PDE1C: variants seen among roughly 807,000 people sequenced by gnomAD.
PDE1C encodes phosphodiesterase 1C.
A neutral mutation model predicts 93.1 loss-of-function variants in PDE1C; 62 were observed. The ratio of observed to expected loss-of-function variants is 0.67; its 90% CI spans 0.54 to 0.82. PDE1C has a LOEUF of 0.82. Among genes scored for constraint, PDE1C ranks in the 40% least tolerant of loss-of-function variants. The probability of loss-of-function intolerance (pLI) is 0.00; values close to 1 mark genes in which losing one functional copy is unlikely to be tolerated. For missense variants in PDE1C, 742 were observed against 884.6 expected, an observed-to-expected ratio of 0.84 and a Z score of 2.04; for synonymous variants, 325 against 310.1, an observed-to-expected ratio of 1.05 and a Z score of -0.50.
rs912650979 is a variant in PDE1C, at chr7:32,161,387, G to T, written c.308+8398C>A. Among the ~76,000 whole-genome samples, 62 of 152,106 alleles carry T rather than the reference G, an allele frequency of 4.1e-4. 2 individuals are homozygous for T. Among genetic ancestry groups the T allele is most frequent in the East Asian group, 1.9e-4 (1 of 5,190 alleles). On this transcript the variant is annotated intron_variant, in intron 3 of 18. Transcript: ENST00000396193. ...CACTGCCAATCTCCTCTACTCTACT[G>T]CTCCCACCCTCATAGCTTATTGGTG...
chr7:32,350,569 TATATATATATATATATA>T (rs1453985697), intron 1 of PDE1C, among the ~76,000 whole-genome samples: 143 of 2,688 alleles, frequency 0.053, 23 homozygotes, highest in East Asian at 0.065. Context: ...TATATATATA[TATATATATATATATATA>T]TATATTTTTT....
At chr7:32,317,003 A>G (rs1046085997) in intron 1 of PDE1C, among the ~76,000 whole-genome samples, 5 of 152,128 alleles carry the variant, frequency 3.3e-5, no homozygotes, top group African/African-American at 1.2e-4. Flanking sequence ...CCTCCTCCAA[A>G]GCACAGGGCA....
At chr7:31,622,240 C>G in the PDE1C span, among the ~76,000 whole-genome samples, 2 of 148,562 alleles carry the variant, frequency 1.3e-5, no homozygotes, top group Non-Finnish European at 3.0e-5. Context: ...GACCTCAGCT[C>G]TGCACCAAGC....
At chr7:32,420,553 C>CAAAA (rs35712470) in intron 1 of PDE1C, among the ~76,000 whole-genome samples, 3 of 136,036 alleles carry the variant, frequency 2.2e-5, no homozygotes, top group African/African-American at 2.7e-5. Flanking sequence ...GGCTCCATCT[C>CAAAA]AAAAAAAAAA....
intron 2 of PDE1C, among the ~76,000 whole-genome samples, chr7:32,018,671 A>C (rs1224189525): frequency 4.6e-5 from 7 of 152,148 alleles, no homozygotes; most frequent in Non-Finnish European, 1.0e-4. Context: ...GGAGAGTAGG[A>C]GGGGAAAATA....
At chr7:32,365,135 A>T (rs1784206460) in intron 1 of PDE1C, among the ~76,000 whole-genome samples, 1 of 152,164 alleles carries the variant, frequency 6.6e-6, no homozygotes, top group South Asian at 2.1e-4. Flanking sequence ...GTGACCCTGG[A>T]CCTGCAATCA....
intron 2 of PDE1C, among the ~76,000 whole-genome samples, chr7:31,914,877 G>A (rs1273317021): frequency 6.6e-6 from 1 of 152,146 alleles, no homozygotes; most frequent in Non-Finnish European, 1.5e-5. Context: ...GACAGGGTAT[G>A]CTCAGGAATG....
intron 3 of PDE1C, among the ~76,000 whole-genome samples, chr7:32,147,314 A>AAGAAAGAAAG (rs1278698643): frequency 1.9e-4 from 27 of 144,552 alleles, no homozygotes; most frequent in African/African-American, 7.2e-4. Context: ...GAAAGAAAGA[A>AAGAAAGAAAG]AGAAAGAAAG....
At chr7:31,831,500 A>ATG (rs1562882262) in intron 11 of PDE1C, among the ~76,000 whole-genome samples, 3 of 7,800 alleles carry the variant, frequency 3.8e-4, no homozygotes, top group Non-Finnish European at 1.4e-3. Flanking sequence ...ACATGCACGC[A>ATG]CACACACACA....
intron 2 of PDE1C, among the ~76,000 whole-genome samples, chr7:32,179,676 A>C (rs1803257798): frequency 6.6e-6 from 1 of 152,164 alleles, no homozygotes; most frequent in Non-Finnish European, 1.5e-5. Flanking sequence ...AGATAAGAAG[A>C]ATCTAAATCA....
At chr7:32,084,481 T>A (rs1408182081) in intron 3 of PDE1C, among the ~76,000 whole-genome samples, 1 of 148,460 alleles carries the variant, frequency 6.7e-6, no homozygotes, top group African/African-American at 2.5e-5. Context: ...GGAATTGAAC[T>A]CAGCTCTGCA....
chr7:31,886,580 G>A (rs73690318), intron 2 of PDE1C, among the ~76,000 whole-genome samples: 1,859 of 152,212 alleles, frequency 0.012, 35 homozygotes, highest in African/African-American at 0.042. Context: ...TACTGTAAGC[G>A]AAATGGCAGA....
intron 1 of PDE1C, among the ~76,000 whole-genome samples, chr7:32,424,291 C>G (rs551252367): frequency 1.9e-4 from 29 of 152,322 alleles, no homozygotes; most frequent in African/African-American, 6.7e-4. Context: ...AGTTAAATTT[C>G]CATGAGAGAC....
chr7:31,768,154 C>A (rs190317162), intron 17 of PDE1C, among the ~76,000 whole-genome samples: 1 of 152,316 alleles, frequency 6.6e-6, no homozygotes, highest in East Asian at 1.9e-4. Context: ...CTAAGACTAA[C>A]CTTTGCCATC....
Position 32,003,539 on chromosome 7 carries a change from A to C in PDE1C, c.128+48015T>G, listed in dbSNP as rs568541792. Among the ~76,000 whole-genome samples, 4 of 152,234 alleles carry C rather than the reference A, an allele frequency of 2.6e-5. No individual in the cohort carries two copies. The South Asian group carries it at 6.2e-4, about 24-fold the overall frequency. On this transcript the variant is annotated intron_variant, in intron 2 of 17. Coordinates refer to ENST00000396191, the MANE Select transcript of PDE1C (RefSeq NM_001191057.4). Reference sequence around the variant, plus strand: ...TGGAAGCCAGACTCATTCCTCACCTAAAGCCAGTAATATGTCTTTTGGATA... The same window carrying C: ...TGGAAGCCAGACTCATTCCTCACCTCAAGCCAGTAATATGTCTTTTGGATA...
chr7:32,359,913 T>C (rs1784103383), intron 1 of PDE1C, among the ~76,000 whole-genome samples: 1 of 152,142 alleles, frequency 6.6e-6, no homozygotes, highest in Admixed American at 6.5e-5. Context: ...CCAGGAAGTC[T>C]CCAATGCACC....
chr7:31,679,006 A>G, the PDE1C span, among the ~76,000 whole-genome samples: 1 of 152,218 alleles, frequency 6.6e-6, no homozygotes, highest in East Asian at 1.9e-4. Flanking sequence ...TGGCAGAAAT[A>G]AAGCATGGTT....
At chr7:32,307,721 A>T (rs896095266) in intron 1 of PDE1C, among the ~76,000 whole-genome samples, 12 of 152,148 alleles carry the variant, frequency 7.9e-5, no homozygotes, top group African/African-American at 2.9e-4. Flanking sequence ...TACCACTGTG[A>T]TGTAAATTTT....
At chr7:32,233,102 C>A (rs7786576) in intron 1 of PDE1C, among the ~76,000 whole-genome samples, 76,212 of 151,980 alleles carry the variant, frequency 0.5, 21,997 homozygotes, top group Admixed American at 0.64. Context: ...AATTATATGA[C>A]AAACACTTTA....
Sources: allele counts gnomAD v4.1 joint callset (sites outside exome capture counted in the v4.1 genomes callset), GRCh38; gene constraint gnomAD v4.1.1; transcripts MANE v1.5; gene names NCBI Gene and HGNC (gene_info 2026-07-23, HGNC 2026-07-21).